DIS3L2: variants seen among roughly 807,000 people sequenced by gnomAD.
The protein encoded by DIS3L2 is DIS3 like 3'-5' exoribonuclease 2, also known as DIS3-like exonuclease 2.
DIS3L2 carries 34 observed loss-of-function variants against 97.5 expected under a neutral mutation model. The ratio of observed to expected loss-of-function variants is 0.35; its 90% CI spans 0.27 to 0.46. DIS3L2 has a LOEUF of 0.46. Among genes scored for constraint, DIS3L2 ranks in the 20% least tolerant of loss-of-function variants. The pLI is 1.00. For missense variants in DIS3L2, 1,038 were observed against 1,146.0 expected (o/e 0.91, Z 1.36); for synonymous variants, 435 against 445.2 (o/e 0.98, Z 0.29).
intron 14 of DIS3L2, among the ~76,000 whole-genome samples, chr2:232,319,940 TAGAATG>T (rs900047209): frequency 1.3e-5 from 2 of 152,178 alleles, no homozygotes; most frequent in African/African-American, 4.8e-5. Context: ...GGTTCTCAGG[TAGAATG>T]AGAGTGGCGT....
intron 6 of DIS3L2, among the ~76,000 whole-genome samples, chr2:232,092,309 A>T (rs993781068): frequency 2.0e-5 from 3 of 152,132 alleles, no homozygotes; most frequent in Admixed American, 6.5e-5. Flanking sequence ...TTTGGTTACT[A>T]TAGCTCTGTA....
intron 16 of DIS3L2, among the ~76,000 whole-genome samples, chr2:232,333,374 C>T (rs1695828391): frequency 6.8e-6 from 1 of 146,722 alleles, no homozygotes; most frequent in Admixed American, 6.8e-5. Context: ...GCGAGAGTAG[C>T]AGCCCCGGCC....
chr2:232,270,860 G>GTC (rs71056262), intron 13 of DIS3L2, among the ~76,000 whole-genome samples: 1,324 of 103,780 alleles, frequency 0.013, 31 homozygotes, highest in Admixed American at 0.018. Flanking sequence ...TCTTTTTCTC[G>GTC]TCTCTCTCTC....
chr2:232,224,684 C>G (rs548172848), intron 10 of DIS3L2, among the ~76,000 whole-genome samples: 1 of 151,794 alleles, frequency 6.6e-6, no homozygotes, highest in East Asian at 1.9e-4. Flanking sequence ...ACTAAAAATA[C>G]AAAAATTAGC....
Position 232,139,093 on chromosome 2 carries a change from G to A in DIS3L2, c.950+2374G>A, listed in dbSNP as rs1224577380. Among the ~76,000 whole-genome samples the A allele has an allele frequency of 2.6e-5, 4 of 152,194 alleles. No individual in the cohort carries two copies. In the South Asian group the frequency reaches 8.3e-4, roughly 32 times the overall value. ...TAGCGATAATTTGATTCTAAGAAGT[G>A]TAATCCCACTTGAACTAATTTAAAT... On this transcript the variant is annotated intron_variant, in intron 8 of 20. Coordinates refer to ENST00000325385, the MANE Select transcript of DIS3L2 (RefSeq NM_152383.5).
chr2:231,996,347 A>G (rs1249134918), intron 1 of DIS3L2, among the ~76,000 whole-genome samples: 4 of 152,216 alleles, frequency 2.6e-5, no homozygotes, highest in Admixed American at 6.5e-5. Context: ...GGATTCAGCC[A>G]TAGATTGTAG....
intron 10 of DIS3L2, among the ~76,000 whole-genome samples, chr2:232,223,455 T>C (rs1392663333): frequency 1.3e-5 from 2 of 152,246 alleles, no homozygotes; most frequent in Non-Finnish European, 2.9e-5. Context: ...TTATTGAGTA[T>C]ATGAAAAACT....
chr2:232,237,728 A>T (rs1457170527), intron 10 of DIS3L2, among the ~76,000 whole-genome samples: 2 of 151,612 alleles, frequency 1.3e-5, no homozygotes, highest in Non-Finnish European at 2.9e-5. Flanking sequence ...CAGGTGGAGG[A>T]AATGGTGGGA....
chr2:232,128,404 G>A (rs1267358440), intron 6 of DIS3L2, among the ~76,000 whole-genome samples: 2 of 145,884 alleles, frequency 1.4e-5, no homozygotes, highest in African/African-American at 5.1e-5. Context: ...AACTGATCTT[G>A]TGATTAAACA....
intron 7 of DIS3L2, chr2:232,131,145 T>C (rs2106350608): frequency 6.4e-6 from 1 of 157,208 alleles, no homozygotes; most frequent in Non-Finnish European, 1.4e-5. Context: ...ATAATTTTAA[T>C]GTCTTTTTTA....
chr2:232,155,165 G>C (rs1690451611), intron 8 of DIS3L2, among the ~76,000 whole-genome samples: 1 of 143,906 alleles, frequency 6.9e-6, no homozygotes, highest in South Asian at 2.2e-4. Context: ...CCCGTCTTCT[G>C]CGTCGCTCAC....
intron 1 of DIS3L2, among the ~76,000 whole-genome samples, chr2:231,972,287 A>C (rs763518480): frequency 6.6e-6 from 1 of 151,042 alleles, no homozygotes; most frequent in Non-Finnish European, 1.5e-5. Context: ...ATAGCCACTT[A>C]TTATCAAGTA....
Position 232,010,073 on chromosome 2 carries a change from A to G in DIS3L2, c.-93-4762A>G, listed in dbSNP as rs376336234. Among the ~76,000 whole-genome samples the G allele has an allele frequency of 1.2e-4, 19 of 152,264 alleles. No homozygotes were observed. The East Asian group carries it at 3.7e-3, about 29-fold the overall frequency. The stretch of plus-strand genomic sequence containing the variant: ...TGGGATGATAGGAGCCCCAGGCTAA[A>G]ACACCACACTCTTCACTGTTCTTAC... On this transcript the variant is annotated intron_variant, in intron 1 of 20. Coordinates refer to ENST00000325385, the MANE Select transcript of DIS3L2 (RefSeq NM_152383.5).
chr2:232,249,201 T>G, intron 11 of DIS3L2, 38 bp from the exon 12 acceptor site: 1 of 1,601,838 alleles, frequency 6.2e-7, no homozygotes, highest in Non-Finnish European at 8.5e-7. Context: ...CTAAGCGGGT[T>G]GGAGAAAGGT....
intron 8 of DIS3L2, among the ~76,000 whole-genome samples, chr2:232,148,997 A>G (rs1690311248): frequency 6.7e-6 from 1 of 148,814 alleles, no homozygotes; most frequent in Admixed American, 6.7e-5. Flanking sequence ...CTCCCCAGAA[A>G]AAGAGTTCTA....
At chr2:232,136,349 T>A in intron 7 of DIS3L2, 123 bp from the exon 8 acceptor site, 1 of 1,246,368 alleles carries the variant, frequency 8.0e-7, no homozygotes, top group Non-Finnish European at 1.1e-6. Flanking sequence ...TGAGAGGCAC[T>A]TATTTTGACC....
chr2:232,126,277 G>A (rs1489089725), intron 6 of DIS3L2, among the ~76,000 whole-genome samples: 2 of 152,172 alleles, frequency 1.3e-5, no homozygotes, highest in East Asian at 3.9e-4. Context: ...CATTGTCTGG[G>A]CCTGTATGTT....
chr2:232,224,711 C>T (rs1006280967), intron 10 of DIS3L2, among the ~76,000 whole-genome samples: 2 of 151,828 alleles, frequency 1.3e-5, no homozygotes, highest in Non-Finnish European at 2.9e-5. Context: ...TGGTCATACA[C>T]GCCTGTAATC....
In DIS3L2 at chr2:232,330,543, C is replaced by T. The variant is rs573951751; in HGVS notation, c.1924-147C>T. ...AGGGTGTGGGCGGCTGCCCCCTCTC[C>T]CCACCCATCCCCTCTGAGCAGGGCT... On this transcript the variant is annotated intron_variant, in intron 15 of 20. Transcript: ENST00000325385. The T allele has an allele frequency of 4.7e-3, 3,924 of 835,078 alleles. 24 individuals carry two copies. Among genetic ancestry groups the T allele is most frequent in the Non-Finnish European group, 6.6e-3 (3,354 of 506,328 alleles). 51.7% of individuals were successfully genotyped at this position (835,078 alleles called of 1,614,324 possible).
Sources: allele counts gnomAD v4.1 joint callset (sites outside exome capture counted in the v4.1 genomes callset), GRCh38; gene constraint gnomAD v4.1.1; transcripts MANE v1.5; gene names NCBI Gene and HGNC (gene_info 2026-07-23, HGNC 2026-07-21).